CPEB1: variants seen among roughly 807,000 people sequenced by gnomAD.
CPEB1 encodes the protein cytoplasmic polyadenylation element binding protein 1, also known as cytoplasmic polyadenylation element-binding protein 1.
Under a neutral mutation model 65.8 loss-of-function variants are expected in CPEB1, and 7 were observed. The ratio of observed to expected loss-of-function variants is 0.11; its 90% CI spans 0.06 to 0.20. The LOEUF (loss-of-function observed/expected upper bound fraction) is 0.20, where lower values mean the gene tolerates loss of function less well. Among genes scored for constraint, CPEB1 ranks in the 10% least tolerant of loss-of-function variants. CPEB1 has a pLI of 1.00. For missense variants in CPEB1, 551 were observed against 712.2 expected, an observed-to-expected ratio of 0.77 and a Z score of 2.58; for synonymous variants, 262 against 260.0, an observed-to-expected ratio of 1.01 and a Z score of -0.08.
upstream of CPEB1, chr15:82,648,231 T>G: frequency 1.3e-5 from 3 of 239,092 alleles, no homozygotes; most frequent in Admixed American, 5.7e-5. Flanking sequence ...TAAGTGACCC[T>G]TGCCGAGTCA....
At chr15:82,602,353 C>A (rs571246960) in intron 3 of CPEB1, among the ~76,000 whole-genome samples, 3 of 151,974 alleles carry the variant, frequency 2.0e-5, no homozygotes, top group South Asian at 2.1e-4. Context: ...CCATGCTGAG[C>A]GGGAAATTTA....
chr15:82,598,085 C>T (rs1206811777), intron 3 of CPEB1, among the ~76,000 whole-genome samples: 1 of 152,226 alleles, frequency 6.6e-6, no homozygotes, highest in Admixed American at 6.5e-5. Flanking sequence ...AGTTTAGCTA[C>T]TATTACATCT....
At chr15:82,589,357 T>C (rs995716151) in intron 3 of CPEB1, among the ~76,000 whole-genome samples, 4 of 152,240 alleles carry the variant, frequency 2.6e-5, no homozygotes, top group Non-Finnish European at 2.9e-5. Flanking sequence ...ACCTCAATTG[T>C]ATGTGGGGCG....
intron 1 of CPEB1, among the ~76,000 whole-genome samples, chr15:82,630,550 G>A (rs1217720874): frequency 6.6e-6 from 1 of 151,974 alleles, no homozygotes; most frequent in African/African-American, 2.4e-5. Context: ...AGGTTGCAGT[G>A]AGCAGAGATT....
chr15:82,647,752 G>T (rs371834122), upstream of CPEB1: 1 of 1,054,244 alleles, frequency 9.5e-7, no homozygotes. Context: ...CCCGCACGGG[G>T]CGGGGGATGG....
chr15:82,552,778 T>A (rs1596003362), intron 8 of CPEB1, among the ~76,000 whole-genome samples, 162 bp from the exon 9 acceptor site: 1 of 152,368 alleles, frequency 6.6e-6, no homozygotes, highest in East Asian at 1.9e-4. Flanking sequence ...GCATTTGCTA[T>A]GCAGATGCCC....
chr15:82,563,674 A>T (rs1159154179), intron 4 of CPEB1, among the ~76,000 whole-genome samples: 1 of 152,064 alleles, frequency 6.6e-6, no homozygotes, highest in East Asian at 1.9e-4. Context: ...TTCAGAAAAC[A>T]ATTATGTATT....
At position 82,544,579 on chromosome 15, in the gene CPEB1, A is replaced by C; in HGVS notation, c.*13T>G. ...CTTTGGGCGCCACAGGCCACTGGGC[A>C]AGGCCAGCTCCTCTAGCTGGAATCT... On this transcript the variant is annotated 3_prime_UTR_variant, in exon 13 of 13. Transcript: ENST00000684509. 6.2e-7 allele frequency: 1 copy of C among 1,604,964 alleles called. No homozygotes were observed. The highest frequency in any genetic ancestry group is 1.1e-5 in the South Asian group (1 of 90,592).
intron 11 of CPEB1, 49 bp downstream of exon 11, chr15:82,547,094 A>G: frequency 7.4e-7 from 1 of 1,346,860 alleles, no homozygotes. Context: ...GTAACTGCCC[A>G]AACCCCTCTC....
chr15:82,553,664 A>G, intron 7 of CPEB1, 108 bp from the exon 8 acceptor site: 1 of 877,252 alleles, frequency 1.1e-6, no homozygotes, highest in Non-Finnish European at 1.9e-6. Context: ...CCCCACTGAC[A>G]AACAACTCAG....
intron 3 of CPEB1, among the ~76,000 whole-genome samples, chr15:82,600,079 C>T (rs191723294): frequency 2.0e-5 from 3 of 152,106 alleles, no homozygotes; most frequent in Admixed American, 6.5e-5. Flanking sequence ...TCTATACATA[C>T]AAGAAACCCA....
At chr15:82,591,374 G>C (rs1250883518) in intron 3 of CPEB1, among the ~76,000 whole-genome samples, 1 of 152,122 alleles carries the variant, frequency 6.6e-6, no homozygotes, top group Non-Finnish European at 1.5e-5. Flanking sequence ...TGATTCTCAT[G>C]CCTCAGCCTC....
intron 3 of CPEB1, among the ~76,000 whole-genome samples, chr15:82,608,850 T>C (rs1346730411): frequency 6.6e-6 from 1 of 152,148 alleles, no homozygotes. Flanking sequence ...ATAAAACAAC[T>C]AGAACAGACA....
At chr15:82,584,944 G>GA (rs369999174) in intron 3 of CPEB1, among the ~76,000 whole-genome samples, 148 of 70,788 alleles carry the variant, frequency 2.1e-3, no homozygotes, top group Middle Eastern at 0.015. Flanking sequence ...ATTGTAACAA[G>GA]AAAAAAAATG....
chr15:82,629,641 T>A, intron 1 of CPEB1: 1 of 985,386 alleles, frequency 1.0e-6, no homozygotes, highest in Non-Finnish European at 1.2e-6. Context: ...GTTGACAGAT[T>A]GAGTTTTTTA....
At chr15:82,634,319 T>C (rs1388240350) in intron 1 of CPEB1, among the ~76,000 whole-genome samples, 2 of 152,164 alleles carry the variant, frequency 1.3e-5, no homozygotes, top group African/African-American at 4.8e-5. Flanking sequence ...AAATGAACAA[T>C]TGTCTAATTT....
At chr15:82,644,795 T>A (rs1247372648) in intron 1 of CPEB1, among the ~76,000 whole-genome samples, 1 of 152,212 alleles carries the variant, frequency 6.6e-6, no homozygotes, top group African/African-American at 2.4e-5. Context: ...TTTTAAAGAC[T>A]AAGAATAAAA....
At chr15:82,561,776 G>T (rs1027036614) in intron 4 of CPEB1, among the ~76,000 whole-genome samples, 1 of 152,080 alleles carries the variant, frequency 6.6e-6, no homozygotes, top group Non-Finnish European at 1.5e-5. Flanking sequence ...TCAAATTCCT[G>T]TACAAAGCTA....
intron 3 of CPEB1, chr15:82,583,323 GT>G (rs1596063695): frequency 6.6e-6 from 1 of 152,052 alleles, no homozygotes; most frequent in Non-Finnish European, 1.5e-5. Flanking sequence ...GTAACAACTA[GT>G]TTTAGTAAAA....
Sources: allele counts gnomAD v4.1 joint callset (sites outside exome capture counted in the v4.1 genomes callset), GRCh38; gene constraint gnomAD v4.1.1; transcripts MANE v1.5; gene names NCBI Gene and HGNC (gene_info 2026-07-23, HGNC 2026-07-21).